Variants in SV2C observed in about 807,000 individuals in gnomAD.
SV2C encodes the protein synaptic vesicle glycoprotein 2C, also known as solute carrier family 22 member B3.
SV2C carries 49 observed loss-of-function variants against 79.7 expected under a neutral mutation model. That is an observed-to-expected ratio of 0.61 (90% CI 0.49 to 0.78). The LOEUF (loss-of-function observed/expected upper bound fraction) is 0.78, where lower values mean the gene tolerates loss of function less well. Among genes scored for constraint, SV2C ranks in the 30% least tolerant of loss-of-function variants. The pLI, the probability that SV2C is intolerant of heterozygous loss-of-function variation, is 0.00. For synonymous variants in SV2C, 334 were observed against 333.2 expected (o/e 1.00, Z -0.03); for missense variants, 833 against 912.9 (o/e 0.91, Z 1.13).
At chr5:76,267,642 T>C (rs978574806) in intron 4 of SV2C, among the ~76,000 whole-genome samples, 6 of 152,258 alleles carry the variant, frequency 3.9e-5, no homozygotes, top group African/African-American at 1.4e-4. Context: ...AGTGGTTGTC[T>C]ACATCACTGT....
At chr5:76,142,354 T>G (rs1161613700) in intron 2 of SV2C, among the ~76,000 whole-genome samples, 1 of 152,256 alleles carries the variant, frequency 6.6e-6, no homozygotes, top group Non-Finnish European at 1.5e-5. Context: ...AAAAATAGAA[T>G]TTAATGATCT....
the SV2C span, chr5:75,921,684 C>CA: frequency 1.2e-5 from 7 of 592,498 alleles, no homozygotes; most frequent in Non-Finnish European, 1.6e-5. Flanking sequence ...TGGTAAACAG[C>CA]AATGGATATA....
the SV2C span, among the ~76,000 whole-genome samples, chr5:75,962,615 T>G: frequency 2.0e-5 from 3 of 152,126 alleles, no homozygotes; most frequent in Non-Finnish European, 4.4e-5. Context: ...CAGGTTTACA[T>G]CTACTAGGTT....
At chr5:75,865,796 A>G in the SV2C span, among the ~76,000 whole-genome samples, 1 of 152,230 alleles carries the variant, frequency 6.6e-6, no homozygotes, top group Admixed American at 6.5e-5. Flanking sequence ...CCCCGTAGAA[A>G]GCATCTTCTA....
the SV2C span, among the ~76,000 whole-genome samples, chr5:76,061,776 C>T: frequency 2.6e-5 from 4 of 152,082 alleles, no homozygotes; most frequent in Non-Finnish European, 4.4e-5. Context: ...GAACGTGCCC[C>T]ATAAACTTTA....
chr5:76,348,986 G>A (rs890504650), intron 12 of SV2C, among the ~76,000 whole-genome samples: 19 of 150,856 alleles, frequency 1.3e-4, no homozygotes, highest in African/African-American at 4.4e-4. Context: ...GCAACAGAGT[G>A]AGACTCTGTC....
chr5:76,330,520 ACT>A lies in SV2C; in HGVS notation c.*4977_*4978del, dbSNP rs1187567429. 2.0e-5 allele frequency: 3 copies of A among 150,956 alleles called. No homozygotes were observed. The highest frequency in any genetic ancestry group is 7.3e-5 in the African/African-American group (3 of 40,974). 9.4% of individuals were successfully genotyped at this position (150,956 alleles called of 1,614,324 possible). A position where few individuals can be genotyped will look rare whatever the true frequency, so the allele number is the denominator to read the frequency against. ...CAAGGAAAACAGAATGAGAGAAGAC[ACT>A]CTCACACTGACCCCCATTACATGTG... On this transcript the variant is annotated 3_prime_UTR_variant, in exon 13 of 13. Coordinates refer to ENST00000502798, the MANE Select transcript of SV2C (RefSeq NM_014979.4).
At chr5:75,930,803 T>G in the SV2C span, among the ~76,000 whole-genome samples, 5 of 152,294 alleles carry the variant, frequency 3.3e-5, no homozygotes, top group South Asian at 1.0e-3. Context: ...TTATGGGCCA[T>G]TTATGTTGAT....
At chr5:75,913,247 C>T in the SV2C span, among the ~76,000 whole-genome samples, 1,171 of 152,236 alleles carry the variant, frequency 7.7e-3, 7 homozygotes, top group Non-Finnish European at 0.011. Flanking sequence ...TATGGAGGTC[C>T]CCAGGATCTG....
chr5:76,036,635 C>T, the SV2C span, among the ~76,000 whole-genome samples: 13,072 of 152,202 alleles, frequency 0.086, 1,817 homozygotes, highest in African/African-American at 0.29. Context: ...GATGGGCTTC[C>T]CTTTGAGGGT....
At chr5:76,266,129 AAATAT>A (rs1746646074) in intron 4 of SV2C, among the ~76,000 whole-genome samples, 5 of 4,892 alleles carry the variant, frequency 1.0e-3, no homozygotes, top group African/African-American at 7.4e-3. Context: ...CCAAAGAGAC[AAATAT>A]GGCCAGTGGC....
chr5:76,032,455 T>A, the SV2C span, among the ~76,000 whole-genome samples: 1 of 151,986 alleles, frequency 6.6e-6, no homozygotes, highest in Non-Finnish European at 1.5e-5. Flanking sequence ...TGTCCATGTG[T>A]TCTCATTGTT....
chr5:75,892,862 G>A, the SV2C span, among the ~76,000 whole-genome samples: 1 of 152,094 alleles, frequency 6.6e-6, no homozygotes, highest in Non-Finnish European at 1.5e-5. Context: ...CTTGGCTACT[G>A]TTAATAGTGC....
intron 8 of SV2C, 70 bp downstream of exon 8, chr5:76,291,926 C>A: frequency 1.7e-6 from 2 of 1,155,904 alleles, no homozygotes; most frequent in East Asian, 2.5e-5. Flanking sequence ...AGCCATGCTG[C>A]TTTCTTTTCT....
At chr5:75,942,162 T>C in the SV2C span, among the ~76,000 whole-genome samples, 2 of 152,238 alleles carry the variant, frequency 1.3e-5, no homozygotes, top group African/African-American at 4.8e-5. Flanking sequence ...GCCAGCTCCA[T>C]GGGGACCGAA....
intron 3 of SV2C, among the ~76,000 whole-genome samples, chr5:76,197,483 A>C (rs1210347730): frequency 2.0e-5 from 3 of 152,080 alleles, no homozygotes; most frequent in Non-Finnish European, 4.4e-5. Context: ...CTCTATAATA[A>C]ATGGTGAGTA....
the SV2C span, among the ~76,000 whole-genome samples, chr5:76,057,191 G>A: frequency 1.3e-4 from 20 of 152,022 alleles, no homozygotes; most frequent in Non-Finnish European, 2.4e-4. Context: ...CTAATACAGT[G>A]TCTCTTTGTT....
chr5:76,248,986 G>A (rs1175382398), intron 4 of SV2C, among the ~76,000 whole-genome samples: 2 of 152,154 alleles, frequency 1.3e-5, no homozygotes, highest in African/African-American at 2.4e-5. Context: ...GAGAGAAAAG[G>A]GTGGGTATTA....
Position 76,132,218 on chromosome 5 carries a change from C to T in SV2C, c.468C>T (p.Phe156=), listed in dbSNP as rs766416445. 9 of 1,614,022 alleles carry T rather than the reference C, an allele frequency of 5.6e-6. No individual in the cohort carries two copies. The highest frequency in any genetic ancestry group is 5.0e-5 in the Admixed American group (3 of 60,008). Residue 156 remains phenylalanine (F), a synonymous_variant, in exon 2 of 13, where the codon TTC becomes TTT. Transcript: ENST00000502798. The stretch of plus-strand genomic sequence containing the variant: ...GTCGTTTTCAGTGGGCCCTTTTCTT[C>T]GTCCTGGGCATGGCTCTTATGGCAG... The part of the protein sequence containing the change: ...GHGRFQWALF[F]VLGMALMADG...
Sources: allele counts gnomAD v4.1 joint callset (sites outside exome capture counted in the v4.1 genomes callset), GRCh38; gene constraint gnomAD v4.1.1; transcripts MANE v1.5; gene names NCBI Gene and HGNC (gene_info 2026-07-23, HGNC 2026-07-21).